MICAL2: variants seen among roughly 807,000 people sequenced by gnomAD.
MICAL2 encodes [F-actin]-monooxygenase MICAL2.
MICAL2 carries 77 observed loss-of-function variants against 127.3 expected under a neutral mutation model. The observed-to-expected ratio is 0.60, with a 90% CI of 0.50 to 0.73. The LOEUF (loss-of-function observed/expected upper bound fraction) is 0.73. MICAL2 is among the 30% of genes least tolerant of loss of function. The pLI is 0.00. For synonymous variants in MICAL2, 570 were observed against 551.1 expected (o/e 1.03, Z -0.48); for missense variants, 1,351 against 1,434.4 (o/e 0.94, Z 0.94).
At chr11:12,297,560 T>C (rs545449071) in intron 29 of MICAL2, among the ~76,000 whole-genome samples, 63 of 152,270 alleles carry the variant, frequency 4.1e-4, no homozygotes, top group African/African-American at 1.5e-3. Flanking sequence ...ATTGCATGTC[T>C]TCTGGGTTTT....
At chr11:12,266,176 AG>A (rs1863608578), downstream of MICAL2, among the ~76,000 whole-genome samples, 1 of 152,210 alleles carries the variant, frequency 6.6e-6, no homozygotes, top group African/African-American at 2.4e-5. Context: ...TAAAACTGTA[AG>A]AAAAAAATAT....
At chr11:12,288,331 G>T (rs1863853162), downstream of MICAL2, among the ~76,000 whole-genome samples, 1 of 152,184 alleles carries the variant, frequency 6.6e-6, no homozygotes, top group Non-Finnish European at 1.5e-5. Flanking sequence ...ATGAGTGTAG[G>T]GTCCATCCCA....
intron 15 of MICAL2, among the ~76,000 whole-genome samples, chr11:12,230,513 T>A (rs571877223): frequency 6.6e-6 from 1 of 152,266 alleles, no homozygotes; most frequent in African/African-American, 2.4e-5. Context: ...TACAGGTGCA[T>A]CCGTATTTGA....
intron 22 of MICAL2, 108 bp downstream of exon 22, chr11:12,249,354 G>A (rs903243363): frequency 5.8e-6 from 4 of 686,826 alleles, no homozygotes; most frequent in East Asian, 5.4e-5. Flanking sequence ...CAGCAGTACA[G>A]TGCCTGGCAC....
At chr11:12,170,942 TCTG>T (rs1856177309) in intron 3 of MICAL2, among the ~76,000 whole-genome samples, 8 of 152,358 alleles carry the variant, frequency 5.3e-5, no homozygotes, top group African/African-American at 1.9e-4. Flanking sequence ...AGGAGCGAAC[TCTG>T]TGGCTCAAAG....
At chr11:12,236,547 A>G (rs1274980992) in intron 16 of MICAL2, among the ~76,000 whole-genome samples, 1 of 152,250 alleles carries the variant, frequency 6.6e-6, no homozygotes, top group East Asian at 1.9e-4. Context: ...TGAACATGGT[A>G]TCTGACACAT....
At chr11:12,227,920 G>T (rs182379690) in intron 15 of MICAL2, among the ~76,000 whole-genome samples, 1 of 152,180 alleles carries the variant, frequency 6.6e-6, no homozygotes, top group East Asian at 1.9e-4. Context: ...TGGTGCCATG[G>T]GACACAGTTT....
chr11:12,284,320 C>T (rs562522190), intron 2 of MICAL2, among the ~76,000 whole-genome samples: 1 of 152,130 alleles, frequency 6.6e-6, no homozygotes, highest in African/African-American at 2.4e-5. Flanking sequence ...GGAAAATACC[C>T]TCTCACTCCT....
intron 32 of MICAL2, among the ~76,000 whole-genome samples, chr11:12,330,786 GGAGAGAGAGAGAGAGAGACAGAGA>G (rs1864407144): frequency 1.0e-5 from 1 of 98,526 alleles, no homozygotes; most frequent in Non-Finnish European, 2.7e-5. Flanking sequence ...TGCAGGACGT[GGAGAGAGAGAGAGAGAGACAGAGA>G]GAGAGAGAGA....
chr11:12,139,055 AT>A (rs1362497241), intron 2 of MICAL2, among the ~76,000 whole-genome samples: 1 of 152,114 alleles, frequency 6.6e-6, no homozygotes, highest in African/African-American at 2.4e-5. Flanking sequence ...TAACCTTATA[AT>A]TAGAAAGGTT....
At chr11:12,333,396 T>C (rs964423570) in intron 32 of MICAL2, among the ~76,000 whole-genome samples, 1 of 152,084 alleles carries the variant, frequency 6.6e-6, no homozygotes, top group Admixed American at 6.6e-5. Context: ...AGAACTTTCT[T>C]AATTGAAACA....
chr11:12,228,266 G>A (rs1420324525), intron 15 of MICAL2, among the ~76,000 whole-genome samples: 1 of 152,090 alleles, frequency 6.6e-6, no homozygotes, highest in Non-Finnish European at 1.5e-5. Flanking sequence ...GGAGGCAGAG[G>A]TTGCAGTGAG....
In MICAL2 at chr11:12,345,456, T is replaced by A. The variant is rs563527674; in HGVS notation, c.5516-4382T>A. Among the ~76,000 whole-genome samples, 3 of 152,346 alleles carry A rather than the reference T, an allele frequency of 2.0e-5. No individual in the cohort carries two copies. In the East Asian group the frequency reaches 5.8e-4, roughly 29 times the overall value. ...TGATGTGCCAGATGGCTGTCTTCCA[T>A]GTCCAGTTCCATCTGACATTTTGCT... On this transcript the variant is annotated intron_variant, in intron 32 of 34. Transcript: ENST00000646065.
chr11:12,207,146 T>C (rs1854800332), intron 4 of MICAL2, among the ~76,000 whole-genome samples: 5 of 152,074 alleles, frequency 3.3e-5, no homozygotes, highest in Admixed American at 3.3e-4. Context: ...GATTTGATAT[T>C]CTTGGTCCCT....
At chr11:12,163,061 C>T (rs1024843948) in intron 3 of MICAL2, among the ~76,000 whole-genome samples, 2 of 152,190 alleles carry the variant, frequency 1.3e-5, no homozygotes, top group African/African-American at 4.8e-5. Context: ...CTGCATTCTC[C>T]ACCTGCCCAC....
rs1340597699 is a variant in MICAL2, at chr11:12,226,379, C to G, written c.1888+9C>G. The G allele has an allele frequency of 1.2e-6, 2 of 1,613,584 alleles. No homozygotes were observed. The highest frequency in any genetic ancestry group is 3.3e-5 in the Admixed American group (2 of 60,020). On this transcript the variant is annotated intron_variant, in intron 14 of 27. Transcript: ENST00000683283. ...CCCACTGAGGCCCGTGGGTAAGCAC[C>G]TGCACAGAGGTTTTGCTTAGCCCCT...
chr11:12,132,608 G>T (rs571200120), intron 1 of MICAL2, among the ~76,000 whole-genome samples: 1 of 152,218 alleles, frequency 6.6e-6, no homozygotes, highest in Admixed American at 6.5e-5. Flanking sequence ...CCAGCTGGGC[G>T]CTGGGCGGTG....
chr11:12,115,176 T>A (rs1045282367), intron 1 of MICAL2, among the ~76,000 whole-genome samples: 7 of 152,250 alleles, frequency 4.6e-5, no homozygotes, highest in Non-Finnish European at 7.3e-5. Flanking sequence ...TAAGTGTTTA[T>A]AACCTTCAAG....
intron 29 of MICAL2, among the ~76,000 whole-genome samples, chr11:12,312,162 G>A (rs1435103611): frequency 6.6e-6 from 1 of 151,018 alleles, no homozygotes; most frequent in Non-Finnish European, 1.5e-5. Context: ...TCTTAATTTT[G>A]TATTTTTAGA....
Sources: gnomAD v4.1 joint callset for allele counts (sites outside exome capture counted in the v4.1 genomes callset) on GRCh38, gnomAD v4.1.1 for gene constraint, MANE v1.5 for transcripts, NCBI Gene and HGNC (gene_info 2026-07-23, HGNC 2026-07-21) for gene names.